Variants in ELMO1 observed in about 807,000 individuals in gnomAD.
ELMO1 encodes the protein engulfment and cell motility 1.
Under a neutral mutation model 98.9 loss-of-function variants are expected in ELMO1, and 26 were observed. The observed-to-expected ratio is 0.26, with a 90% CI of 0.19 to 0.36. The LOEUF is 0.36. Among genes scored for constraint, ELMO1 ranks in the 10% least tolerant of loss-of-function variants. The probability of loss-of-function intolerance (pLI) is 1.00; values close to 1 mark genes in which losing one functional copy is unlikely to be tolerated. For synonymous variants in ELMO1, 346 were observed against 346.0 expected (o/e 1.00, Z 0.00); for missense variants, 627 against 935.2 (o/e 0.67, Z 4.30).
At chr7:37,184,224 T>C (rs141791621) in intron 13 of ELMO1, among the ~76,000 whole-genome samples, 2 of 152,356 alleles carry the variant, frequency 1.3e-5, no homozygotes, top group African/African-American at 2.4e-5. Context: ...CCAATGAGTG[T>C]TGCTTCCTTT....
intron 19 of ELMO1, among the ~76,000 whole-genome samples, chr7:36,874,603 T>C (rs1803790419): frequency 6.6e-6 from 1 of 152,220 alleles, no homozygotes; most frequent in Non-Finnish European, 1.5e-5. Context: ...AGTGCCTCCC[T>C]GTGTCGCCGC....
intron 13 of ELMO1, among the ~76,000 whole-genome samples, chr7:37,199,072 C>T (rs190643961): frequency 1.4e-4 from 21 of 152,292 alleles, no homozygotes; most frequent in Admixed American, 2.6e-4. Context: ...AGATTCAACC[C>T]TAACTGCCCA....
intron 18 of ELMO1, among the ~76,000 whole-genome samples, chr7:36,886,286 C>T (rs929856056): frequency 2.0e-5 from 3 of 152,158 alleles, no homozygotes; most frequent in Admixed American, 2.0e-4. Context: ...TTCTCATTCT[C>T]TGTGAAGAAA....
At chr7:36,940,281 C>A (rs1786917468) in intron 16 of ELMO1, among the ~76,000 whole-genome samples, 1 of 152,178 alleles carries the variant, frequency 6.6e-6, no homozygotes, top group Non-Finnish European at 1.5e-5. Flanking sequence ...TAGAATAGGC[C>A]AAGGAGAGCC....
At chr7:37,279,034 T>C (rs1000478951) in intron 4 of ELMO1, among the ~76,000 whole-genome samples, 2 of 151,926 alleles carry the variant, frequency 1.3e-5, no homozygotes, top group African/African-American at 2.4e-5. Context: ...ACCCGGTCTC[T>C]AATAAAAACA....
At chr7:37,276,249 T>A (rs1286235016) in intron 4 of ELMO1, among the ~76,000 whole-genome samples, 1 of 152,086 alleles carries the variant, frequency 6.6e-6, no homozygotes, top group Non-Finnish European at 1.5e-5. Context: ...TTGCAAATGC[T>A]AAAAAGAAAT....
chr7:37,086,645 A>G (rs936514758), intron 15 of ELMO1, among the ~76,000 whole-genome samples: 3 of 149,844 alleles, frequency 2.0e-5, no homozygotes, highest in African/African-American at 4.9e-5. Flanking sequence ...CGGGAGGCTG[A>G]GGCAAGAGAA....
chr7:36,967,363 G>C (rs919581102), intron 16 of ELMO1, among the ~76,000 whole-genome samples: 3 of 152,230 alleles, frequency 2.0e-5, no homozygotes, highest in Admixed American at 1.3e-4. Context: ...TGTTAAAAAA[G>C]AATACCTATT....
At chr7:37,076,679 C>T (rs1313641860) in intron 15 of ELMO1, among the ~76,000 whole-genome samples, 1 of 152,210 alleles carries the variant, frequency 6.6e-6, no homozygotes, top group African/African-American at 2.4e-5. Context: ...ATAAAGAGAA[C>T]AAAGATCTTG....
At chr7:36,910,346 T>C (rs12530745) in intron 16 of ELMO1, among the ~76,000 whole-genome samples, 8,919 of 152,234 alleles carry the variant, frequency 0.059, 395 homozygotes, top group East Asian at 0.25. Flanking sequence ...TCTAGTGCCA[T>C]GTGATTCAAA....
intron 15 of ELMO1, among the ~76,000 whole-genome samples, chr7:37,077,367 A>G (rs1797638348): frequency 6.6e-6 from 1 of 152,218 alleles, no homozygotes; most frequent in Admixed American, 6.5e-5. Flanking sequence ...ATGAGGACCC[A>G]GTGTGGGCCA....
At chr7:37,188,455 A>C (rs113882494) in intron 13 of ELMO1, among the ~76,000 whole-genome samples, 3 of 110,450 alleles carry the variant, frequency 2.7e-5, no homozygotes, top group Admixed American at 9.3e-5. Context: ...CACACACGCA[A>C]ACACACACAC....
At chr7:36,941,390 G>T (rs547440242) in intron 16 of ELMO1, among the ~76,000 whole-genome samples, 3 of 152,330 alleles carry the variant, frequency 2.0e-5, no homozygotes, top group Non-Finnish European at 4.4e-5. Flanking sequence ...GGGTTACACA[G>T]GTTCCACGAT....
At chr7:37,201,983 T>G (rs1464716067) in intron 13 of ELMO1, among the ~76,000 whole-genome samples, 2 of 152,166 alleles carry the variant, frequency 1.3e-5, no homozygotes, top group Non-Finnish European at 2.9e-5. Flanking sequence ...CCATCCCAGG[T>G]AATCCCTTTA....
chr7:37,157,106 A>C (rs1224656847), intron 13 of ELMO1, among the ~76,000 whole-genome samples: 1 of 152,228 alleles, frequency 6.6e-6, no homozygotes, highest in Non-Finnish European at 1.5e-5. Flanking sequence ...CCTTTGACAA[A>C]ATTCAACAGC....
intron 13 of ELMO1, among the ~76,000 whole-genome samples, chr7:37,205,078 C>T (rs1054411346): frequency 2.6e-5 from 4 of 152,322 alleles, no homozygotes; most frequent in South Asian, 4.1e-4. Context: ...GAAGCCCAGC[C>T]GGCTTCACCT....
chr7:37,209,356 G>GC (rs1311859462), intron 13 of ELMO1, among the ~76,000 whole-genome samples: 1 of 152,106 alleles, frequency 6.6e-6, no homozygotes, highest in Non-Finnish European at 1.5e-5. Context: ...GGATCCAACT[G>GC]CCCCCGAGGA....
chr7:37,367,817 G>A (rs996170098), intron 1 of ELMO1, among the ~76,000 whole-genome samples: 8 of 152,228 alleles, frequency 5.3e-5, no homozygotes, highest in African/African-American at 1.9e-4. Flanking sequence ...TTATTTTATA[G>A]CATATAAAGC....
At chr7:37,170,978 T>A (rs1375041023) in intron 13 of ELMO1, among the ~76,000 whole-genome samples, 1 of 152,148 alleles carries the variant, frequency 6.6e-6, no homozygotes, top group African/African-American at 2.4e-5. Flanking sequence ...AACAAAAAAA[T>A]TCTTTTAAAA....
Sources: gnomAD v4.1 joint callset for allele counts (sites outside exome capture counted in the v4.1 genomes callset) on GRCh38, gnomAD v4.1.1 for gene constraint, MANE v1.5 for transcripts, NCBI Gene and HGNC (gene_info 2026-07-23, HGNC 2026-07-21) for gene names.